The following IRAG1 variants were observed in gnomAD, a reference collection of about 807,000 sequenced individuals.
The protein encoded by IRAG1 is IP3R-associated cGMP kinase substrate.
Under a neutral mutation model 106.2 loss-of-function variants are expected in IRAG1, and 62 were observed. That is an observed-to-expected ratio of 0.58 (90% CI 0.48 to 0.72). The LOEUF (loss-of-function observed/expected upper bound fraction) is 0.72. IRAG1 is among the 30% of genes least tolerant of loss of function. The pLI is 0.00. For missense variants in IRAG1, 1,064 were observed against 1,140.7 expected (o/e 0.93, Z 0.97); for synonymous variants, 462 against 443.9 (o/e 1.04, Z -0.51).
intron 1 of IRAG1, among the ~76,000 whole-genome samples, chr11:10,676,156 T>C (rs1289010840): frequency 6.6e-6 from 1 of 152,238 alleles, no homozygotes; most frequent in African/African-American, 2.4e-5. Flanking sequence ...GTGGCTTCGC[T>C]TTGCCTCCCT....
chr11:10,653,429 G>T (rs1435015293), intron 1 of IRAG1, among the ~76,000 whole-genome samples: 2 of 152,182 alleles, frequency 1.3e-5, no homozygotes, highest in African/African-American at 4.8e-5. Context: ...CGTGCTTCTT[G>T]TCTGTCAAGA....
At position 10,625,391 on chromosome 11, in the gene IRAG1, A is replaced by G. The variant is rs1291607190; in HGVS notation, c.1368+575T>C. Among the ~76,000 whole-genome samples, 4 of 152,138 alleles carry G rather than the reference A, an allele frequency of 2.6e-5. No individual in the cohort carries two copies. The East Asian group carries it at 5.8e-4, about 22-fold the overall frequency. Reference sequence around the variant, plus strand: ...ACCCTGCATAGGGTGGCAACCCCACAGGAGACCGCTGTGCCTGGTTTGATG... The same window carrying G: ...ACCCTGCATAGGGTGGCAACCCCACGGGAGACCGCTGTGCCTGGTTTGATG... On this transcript the variant is annotated intron_variant, in intron 9 of 20. Transcript: ENST00000423302.
At chr11:10,686,668 G>GCC (rs148259236) in intron 1 of IRAG1, among the ~76,000 whole-genome samples, 1,631 of 152,238 alleles carry the variant, frequency 0.011, 31 homozygotes, top group African/African-American at 0.037. Flanking sequence ...CTGTCCTGCA[G>GCC]CCAGGTCTAT....
At position 10,652,131 on chromosome 11, in the gene IRAG1, A is replaced by G. The variant is rs755484117; in HGVS notation, c.119T>C (p.Val40Ala). 1.4e-5 allele frequency: 23 copies of G among 1,612,654 alleles called. No homozygotes were observed. Among genetic ancestry groups the G allele is most frequent in the Admixed American group, 1.0e-4 (6 of 59,878 alleles). Reference sequence around the variant, plus strand: ...CTGGGAGTGGCCACGTGTGCCCGGAACCTCCGCTGCGTCAGCCCCAAAGAT... The same window carrying G: ...CTGGGAGTGGCCACGTGTGCCCGGAGCCTCCGCTGCGTCAGCCCCAAAGAT... ...WSIFGADAAEVPGTRGHSQQE... is the reference protein window; with the variant it reads ...WSIFGADAAEAPGTRGHSQQE... Residue 40 changes from valine (V) to alanine (A), a missense_variant, in exon 2 of 21, where the codon GTT (valine) becomes GCT (alanine). By Grantham distance (64) the Val-to-Ala change is moderately conservative. Coordinates refer to ENST00000423302, the MANE Select transcript of IRAG1 (RefSeq NM_130385.4).
rs369311388 is a variant in IRAG1 at position 10,626,299 on chromosome 11, C to A, written c.1035G>T (p.Pro345=). Residue 345 remains proline (P), a synonymous_variant, in exon 9 of 21, where the codon CCG becomes CCT. Coordinates refer to ENST00000423302, the MANE Select transcript of IRAG1 (RefSeq NM_130385.4). ...CTGCCGCATCCTGGGTTGGACTTCTCGGCAGAGGGCTGCCCTCCCAGCCCG... is the reference window on the plus strand; with the variant it reads ...CTGCCGCATCCTGGGTTGGACTTCTAGGCAGAGGGCTGCCCTCCCAGCCCG... ...LKTGWEGSPL[P]RSPTQDAAGV... 1 of 1,612,946 alleles carries A rather than the reference C, an allele frequency of 6.2e-7. No homozygotes were observed. Among genetic ancestry groups the A allele is most frequent in the Non-Finnish European group, 8.5e-7 (1 of 1,179,474 alleles).
At chr11:10,658,831 A>G (rs1027455702) in intron 1 of IRAG1, among the ~76,000 whole-genome samples, 2 of 146,882 alleles carry the variant, frequency 1.4e-5, no homozygotes, top group African/African-American at 2.6e-5. Context: ...TGGTTACCCC[A>G]TGTCTGTGCT....
chr11:10,626,327 T>C lies in IRAG1; in HGVS notation c.1007A>G (p.Lys336Arg). 1 of 1,613,552 alleles carries C rather than the reference T, an allele frequency of 6.2e-7. No individual in the cohort carries two copies. The highest frequency in any genetic ancestry group is 2.2e-5 in the East Asian group (1 of 44,866). Residue 336 changes from lysine (K) to arginine (R), a missense_variant, in exon 9 of 21, where the codon AAA (lysine) becomes AGA (arginine). Coordinates refer to ENST00000423302, the MANE Select transcript of IRAG1 (RefSeq NM_130385.4). Reference protein sequence around the residue: ...VESELGKQLLKTGWEGSPLPR... With the variant: ...VESELGKQLLRTGWEGSPLPR... ...CAGAGGGCTGCCCTCCCAGCCCGTTTTCAAGAGCTGCTTCCCCAGCTCGCT... is the reference window on the plus strand; with the variant it reads ...CAGAGGGCTGCCCTCCCAGCCCGTTCTCAAGAGCTGCTTCCCCAGCTCGCT...
At chr11:10,646,274 G>A (rs1382105860) in intron 2 of IRAG1, among the ~76,000 whole-genome samples, 1 of 152,214 alleles carries the variant, frequency 6.6e-6, no homozygotes, top group African/African-American at 2.4e-5. Context: ...CTTTGGGAGT[G>A]TGGAAAAACA....
intron 18 of IRAG1, among the ~76,000 whole-genome samples, chr11:10,582,545 A>G (rs2134101026): frequency 6.6e-6 from 1 of 152,384 alleles, no homozygotes; most frequent in Admixed American, 6.5e-5. Flanking sequence ...GAAATTCTGT[A>G]CAGTGACAGA....
At chr11:10,617,920 G>A (rs1174370615) in intron 10 of IRAG1, among the ~76,000 whole-genome samples, 4 of 146,876 alleles carry the variant, frequency 2.7e-5, no homozygotes, top group African/African-American at 1.1e-4. Context: ...GCTGTTTCAG[G>A]CCAGCTCTCA....
At chr11:10,581,053 AAGG>A (rs1419337373) in intron 19 of IRAG1, among the ~76,000 whole-genome samples, 1 of 152,184 alleles carries the variant, frequency 6.6e-6, no homozygotes, top group Admixed American at 6.5e-5. Flanking sequence ...GAAACCAATG[AAGG>A]AGTTCATGCC....
At chr11:10,615,598 A>G (rs1243169596) in intron 10 of IRAG1, among the ~76,000 whole-genome samples, 1 of 152,176 alleles carries the variant, frequency 6.6e-6, no homozygotes, top group Non-Finnish European at 1.5e-5. Flanking sequence ...AATACTATGC[A>G]CCCATAAAAA....
In IRAG1 at chr11:10,657,857, C is replaced by T. The variant is rs531917528; in HGVS notation, c.68-5675G>A. ...GCACCCATTTTTACCAATGGGGAAC[C>T]GAGGCCCAGAGGGGCAGGCATGTGA... On this transcript the variant is annotated intron_variant, in intron 1 of 20. Transcript: ENST00000423302. The surrounding 1 kb of genome is among the most constrained non-coding windows in gnomAD (Gnocchi z 4.1). 2.6e-5 allele frequency among the ~76,000 whole-genome samples: 4 copies of T among 152,092 alleles called. No individual in the cohort carries two copies. Among genetic ancestry groups the T allele is most frequent in the South Asian group, 2.1e-4 (1 of 4,812 alleles).
chr11:10,595,836 C>G (rs1192815130), intron 15 of IRAG1: 1 of 152,184 alleles, frequency 6.6e-6, no homozygotes, highest in African/African-American at 2.4e-5. Context: ...TTCTGCTCCT[C>G]TCCCTCCTCC....
At chr11:10,579,614 A>G (rs1196066731) in intron 20 of IRAG1, among the ~76,000 whole-genome samples, 2 of 32,494 alleles carry the variant, frequency 6.2e-5, no homozygotes, top group Admixed American at 3.4e-4. Context: ...TCTGTGGGGT[A>G]GAGTAACACC....
chr11:10,659,626 C>T lies in IRAG1; in HGVS notation c.68-7444G>A, dbSNP rs1024438441. 6.6e-6 allele frequency among the ~76,000 whole-genome samples: 1 copy of T among 152,326 alleles called. No individual in the cohort carries two copies. Among genetic ancestry groups the T allele is most frequent in the South Asian group, 2.1e-4 (1 of 4,826 alleles). On this transcript the variant is annotated intron_variant, in intron 1 of 20. Transcript: ENST00000423302. The surrounding 1 kb of genome is among the most constrained non-coding windows in gnomAD (Gnocchi z 4.1). Reference sequence around the variant, plus strand: ...GGCTGGGGGTGCCCTGGGAAGGAGCCAGCACCTGCTCAGACCAATGACAGG... The same window carrying T: ...GGCTGGGGGTGCCCTGGGAAGGAGCTAGCACCTGCTCAGACCAATGACAGG...
At chr11:10,608,854 A>T (rs751833922) in intron 11 of IRAG1, among the ~76,000 whole-genome samples, 45 of 152,140 alleles carry the variant, frequency 3.0e-4, no homozygotes, top group Non-Finnish European at 4.1e-4. Context: ...ATTTATTTTT[A>T]AAATCTTGTC....
intron 1 of IRAG1, among the ~76,000 whole-genome samples, chr11:10,685,060 C>T (rs1434590549): frequency 6.6e-6 from 1 of 152,170 alleles, no homozygotes; most frequent in Non-Finnish European, 1.5e-5. Flanking sequence ...TCAGAACTTT[C>T]TGCCTTCTTA....
chr11:10,594,211 G>C lies in IRAG1; in HGVS notation c.2018-16C>G, dbSNP rs1853007578. 1.9e-6 allele frequency: 3 copies of C among 1,606,144 alleles called. No homozygotes were observed. The highest frequency in any genetic ancestry group is 2.6e-6 in the Non-Finnish European group (3 of 1,176,266). On this transcript the variant is annotated splice_polypyrimidine_tract_variant and intron_variant, in intron 15 of 20. Coordinates refer to ENST00000423302, the MANE Select transcript of IRAG1 (RefSeq NM_130385.4). ...ACCCCATCTTCTGCAGCAGGAGGGA[G>C]CAGAGAAGAGAACACAGGTAAGTTT...
Sources: gnomAD v4.1 joint callset for allele counts (sites outside exome capture counted in the v4.1 genomes callset) on GRCh38, gnomAD v4.1.1 for gene constraint, Gnocchi (gnomAD v3.1) non-coding constraint, MANE v1.5 for transcripts, NCBI Gene and HGNC (gene_info 2026-07-23, HGNC 2026-07-21) for gene names.